The following EDIL3 variants were observed in gnomAD, a reference collection of about 807,000 sequenced individuals.
EDIL3 encodes the protein EGF like and discoidin domains 3, also known as EGF-like repeat and discoidin I-like domain-containing protein 3.
A neutral mutation model predicts 67.4 loss-of-function variants in EDIL3; 37 were observed. The observed-to-expected ratio is 0.55, with a 90% CI of 0.42 to 0.72. The LOEUF is 0.72. EDIL3 is among the 30% of genes least tolerant of loss of function. The pLI is 0.00. For synonymous variants in EDIL3, 195 were observed against 196.3 expected (o/e 0.99, Z 0.05); for missense variants, 527 against 586.3 (o/e 0.90, Z 1.04).
chr5:84,010,920 C>T (rs1014083718), intron 9 of EDIL3, among the ~76,000 whole-genome samples: 2 of 152,104 alleles, frequency 1.3e-5, no homozygotes, highest in African/African-American at 2.4e-5. Context: ...AGTAAATTCA[C>T]CCCAATGATC....
chr5:84,217,030 C>T (rs1011181973), intron 3 of EDIL3, among the ~76,000 whole-genome samples: 1 of 152,018 alleles, frequency 6.6e-6, no homozygotes, highest in Non-Finnish European at 1.5e-5. Context: ...CTTATCCATC[C>T]TATCCAGAAA....
chr5:84,291,255 C>T (rs114807967), intron 1 of EDIL3, among the ~76,000 whole-genome samples: 1,620 of 152,098 alleles, frequency 0.011, 34 homozygotes, highest in African/African-American at 0.035. Flanking sequence ...ATGATCGGCA[C>T]GAGAATGTCA....
At chr5:84,232,419 T>G (rs1744600455) in intron 2 of EDIL3, among the ~76,000 whole-genome samples, 1 of 152,116 alleles carries the variant, frequency 6.6e-6, no homozygotes, top group Non-Finnish European at 1.5e-5. Context: ...AGACTGGAAG[T>G]TGCTAAGATT....
chr5:84,117,232 G>A (rs1017210117), intron 5 of EDIL3, among the ~76,000 whole-genome samples: 2 of 151,488 alleles, frequency 1.3e-5, no homozygotes, highest in African/African-American at 4.8e-5. Context: ...GGGTTTCACC[G>A]TGTTAGCCAG....
chr5:84,069,499 T>C (rs977165884), intron 6 of EDIL3, among the ~76,000 whole-genome samples: 1 of 152,186 alleles, frequency 6.6e-6, no homozygotes, highest in African/African-American at 2.4e-5. Context: ...ATGTAAAACA[T>C]TAACAACATC....
intron 9 of EDIL3, among the ~76,000 whole-genome samples, chr5:84,058,508 T>A (rs554358564): frequency 1.3e-5 from 2 of 152,182 alleles, no homozygotes; most frequent in South Asian, 4.1e-4. Context: ...GTGGGGATGG[T>A]AAGATGGGAA....
chr5:83,977,415 T>A (rs1314253327), intron 9 of EDIL3, among the ~76,000 whole-genome samples: 1 of 151,892 alleles, frequency 6.6e-6, no homozygotes, highest in Non-Finnish European at 1.5e-5. Context: ...TTTTTTCTTG[T>A]ACTCTCTTTA....
chr5:83,986,282 T>C (rs1745056393), intron 9 of EDIL3, among the ~76,000 whole-genome samples: 1 of 152,164 alleles, frequency 6.6e-6, no homozygotes. Flanking sequence ...ATAACCAAGA[T>C]GTAGTTTATA....
intron 5 of EDIL3, among the ~76,000 whole-genome samples, chr5:84,125,423 A>T (rs1388379218): frequency 6.6e-6 from 1 of 152,036 alleles, no homozygotes; most frequent in Non-Finnish European, 1.5e-5. Context: ...TGACACCTGG[A>T]AGTCTGCAAA....
At chr5:84,205,954 GC>G (rs1743968925) in intron 3 of EDIL3, among the ~76,000 whole-genome samples, 1 of 151,710 alleles carries the variant, frequency 6.6e-6, no homozygotes, top group Admixed American at 6.6e-5. Flanking sequence ...CCTTCTGCTA[GC>G]TTTTGAATGT....
intron 1 of EDIL3, among the ~76,000 whole-genome samples, chr5:84,356,326 C>T (rs1747479116): frequency 6.6e-6 from 1 of 152,232 alleles, no homozygotes; most frequent in African/African-American, 2.4e-5. Context: ...TAACCAACCA[C>T]ATTAAAAGAA....
intron 5 of EDIL3, among the ~76,000 whole-genome samples, chr5:84,120,636 C>A (rs1336238919): frequency 6.6e-6 from 1 of 151,810 alleles, no homozygotes; most frequent in Admixed American, 6.6e-5. Context: ...AAATTCCTAA[C>A]CTTCCTATTA....
chr5:84,285,715 C>T (rs1216224471), intron 1 of EDIL3, among the ~76,000 whole-genome samples: 2 of 152,230 alleles, frequency 1.3e-5, no homozygotes, highest in Non-Finnish European at 2.9e-5. Flanking sequence ...TTTGGTCACA[C>T]TTGGCATGCA....
chr5:84,308,957 T>G (rs1215488336), intron 1 of EDIL3, among the ~76,000 whole-genome samples: 6 of 152,154 alleles, frequency 3.9e-5, no homozygotes, highest in Admixed American at 3.9e-4. Flanking sequence ...GACAAATAGT[T>G]GATTAGATTT....
chr5:84,167,975 A>G (rs1748739731), intron 4 of EDIL3, among the ~76,000 whole-genome samples: 1 of 152,230 alleles, frequency 6.6e-6, no homozygotes, highest in Non-Finnish European at 1.5e-5. Flanking sequence ...TCATTTGGAA[A>G]TATTTCAATT....
At chr5:84,133,426 C>T (rs1748030348) in intron 5 of EDIL3, among the ~76,000 whole-genome samples, 1 of 134,302 alleles carries the variant, frequency 7.4e-6, no homozygotes, top group South Asian at 2.3e-4. Context: ...AGTTTGAGAC[C>T]AGACCAAAGT....
chr5:84,175,983 A>G (rs989024363), intron 4 of EDIL3, among the ~76,000 whole-genome samples: 3 of 151,832 alleles, frequency 2.0e-5, no homozygotes, highest in Admixed American at 2.0e-4. Flanking sequence ...AAAACAGCAA[A>G]TATCATTGAC....
intron 9 of EDIL3, among the ~76,000 whole-genome samples, chr5:84,008,122 A>G (rs1012881494): frequency 9.9e-5 from 15 of 152,188 alleles, no homozygotes; most frequent in African/African-American, 3.6e-4. Flanking sequence ...GAGGGTTACC[A>G]GAGGCTGGAA....
chr5:84,370,017 C>G (rs1030607591), intron 1 of EDIL3, among the ~76,000 whole-genome samples: 5 of 152,122 alleles, frequency 3.3e-5, no homozygotes, highest in Non-Finnish European at 5.9e-5. Context: ...ATTGCCAAAG[C>G]CTTTTTCTTA....
Sources: allele counts gnomAD v4.1 joint callset (sites outside exome capture counted in the v4.1 genomes callset), GRCh38; gene constraint gnomAD v4.1.1; transcripts MANE v1.5; gene names NCBI Gene and HGNC (gene_info 2026-07-23, HGNC 2026-07-21).